HSD17B12: variants seen among roughly 807,000 people sequenced by gnomAD.
HSD17B12 encodes the protein hydroxysteroid 17-beta dehydrogenase 12, also known as very-long-chain 3-oxoacyl-CoA reductase.
In HSD17B12, 32 loss-of-function variants were observed where a neutral mutation model predicts 39.3. The observed-to-expected ratio is 0.81, with a 90% CI of 0.61 to 1.09. HSD17B12 has a LOEUF of 1.09. Ranked by LOEUF, HSD17B12 falls within the 50% of genes least tolerant of loss-of-function variation. HSD17B12 has a pLI of 0.00. For missense variants in HSD17B12, 342 were observed against 382.9 expected (o/e 0.89, Z 0.89); for synonymous variants, 150 against 146.7 (o/e 1.02, Z -0.16).
intron 1 of HSD17B12, among the ~76,000 whole-genome samples, chr11:43,728,605 G>A (rs1420788752): frequency 4.6e-5 from 7 of 151,736 alleles, no homozygotes. Flanking sequence ...TACTGTACTT[G>A]TTACTCCTCC....
chr11:43,754,183 G>A (rs1199206047), intron 3 of HSD17B12, 62 bp downstream of exon 3: 6 of 1,134,708 alleles, frequency 5.3e-6, no homozygotes, highest in African/African-American at 1.5e-5. Flanking sequence ...GCAGTTATCC[G>A]ATACTGACAT....
At chr11:43,746,034 A>G (rs527556100) in intron 1 of HSD17B12, among the ~76,000 whole-genome samples, 140 of 152,274 alleles carry the variant, frequency 9.2e-4, no homozygotes, top group African/African-American at 3.2e-3. Flanking sequence ...ACAAAAGATT[A>G]AAAATGGCAC....
At chr11:43,703,358 C>T (rs1297122448) in intron 1 of HSD17B12, among the ~76,000 whole-genome samples, 1 of 152,002 alleles carries the variant, frequency 6.6e-6, no homozygotes, top group African/African-American at 2.4e-5. Flanking sequence ...CTACGCCCGG[C>T]TAATTTTTTG....
intron 1 of HSD17B12, among the ~76,000 whole-genome samples, chr11:43,728,826 G>A (rs7110523): frequency 0.042 from 6,406 of 152,170 alleles, 171 homozygotes; most frequent in Non-Finnish European, 0.063. Context: ...TTCACTGCCA[G>A]TCACCATTCT....
At chr11:43,595,377 G>A in the HSD17B12 span, among the ~76,000 whole-genome samples, 1 of 152,364 alleles carries the variant, frequency 6.6e-6, no homozygotes, top group Admixed American at 6.5e-5. Context: ...GTTGAATTCA[G>A]ATCAGCTGGT....
chr11:43,712,442 A>G (rs146426973), intron 1 of HSD17B12, among the ~76,000 whole-genome samples: 5 of 151,980 alleles, frequency 3.3e-5, no homozygotes, highest in African/African-American at 1.2e-4. Flanking sequence ...TGAAGAAACA[A>G]CCAAAAAGCT....
At chr11:43,680,505 G>C, upstream of HSD17B12, 1 of 374,272 alleles carries the variant, frequency 2.7e-6, no homozygotes. Flanking sequence ...TCGCGAGTAC[G>C]GCTGCAGCCA....
the HSD17B12 span, among the ~76,000 whole-genome samples, chr11:43,615,400 G>GT: frequency 6.6e-6 from 1 of 152,142 alleles, no homozygotes; most frequent in African/African-American, 2.4e-5. Context: ...ACAATTTAGT[G>GT]TTCAGCTAAA....
At chr11:43,701,345 C>T (rs1949962275) in intron 1 of HSD17B12, among the ~76,000 whole-genome samples, 1 of 152,094 alleles carries the variant, frequency 6.6e-6, no homozygotes, top group Non-Finnish European at 1.5e-5. Context: ...TTGATGTGAT[C>T]CCATTTGTCC....
At chr11:43,577,024 C>T in the HSD17B12 span, among the ~76,000 whole-genome samples, 6 of 152,046 alleles carry the variant, frequency 3.9e-5, no homozygotes, top group Non-Finnish European at 8.8e-5. Flanking sequence ...CAATATAGAT[C>T]AAAATTGCAT....
At chr11:43,767,918 T>C (rs1950609930) in intron 3 of HSD17B12, among the ~76,000 whole-genome samples, 1 of 152,238 alleles carries the variant, frequency 6.6e-6, no homozygotes, top group South Asian at 2.1e-4. Context: ...CATTTAACTT[T>C]TATGGAACAC....
the HSD17B12 span, among the ~76,000 whole-genome samples, chr11:43,593,748 A>T: frequency 2.0e-5 from 3 of 152,122 alleles, no homozygotes; most frequent in African/African-American, 7.2e-5. Flanking sequence ...GTGAGCAACA[A>T]AGAAAAAAAA....
intron 3 of HSD17B12, among the ~76,000 whole-genome samples, chr11:43,767,948 T>A (rs184059543): frequency 3.9e-5 from 6 of 152,348 alleles, no homozygotes; most frequent in African/African-American, 1.4e-4. Flanking sequence ...TTCAGGCATG[T>A]TTGGAAAACA....
chr11:43,663,431 C>CA, the HSD17B12 span, among the ~76,000 whole-genome samples: 1 of 152,074 alleles, frequency 6.6e-6, no homozygotes, highest in Non-Finnish European at 1.5e-5. Flanking sequence ...ATAGTCTCAC[C>CA]ATGTTGCCCA....
intron 6 of HSD17B12, among the ~76,000 whole-genome samples, chr11:43,827,644 T>G (rs1201796107): frequency 1.3e-5 from 2 of 152,236 alleles, no homozygotes; most frequent in Non-Finnish European, 2.9e-5. Flanking sequence ...TAACTGCAGA[T>G]GGTTACATTT....
chr11:43,661,982 T>A, the HSD17B12 span, among the ~76,000 whole-genome samples: 4,011 of 152,230 alleles, frequency 0.026, 76 homozygotes, highest in South Asian at 0.12. Context: ...GACATATAAA[T>A]AAGATCTGAA....
chr11:43,588,287 A>G, the HSD17B12 span, among the ~76,000 whole-genome samples: 3 of 152,190 alleles, frequency 2.0e-5, no homozygotes, highest in Non-Finnish European at 4.4e-5. Context: ...CTAGGAGAGG[A>G]CCCTGGAAGT....
At chr11:43,703,168 T>A (rs1420930941) in intron 1 of HSD17B12, among the ~76,000 whole-genome samples, 1 of 152,242 alleles carries the variant, frequency 6.6e-6, no homozygotes, top group African/African-American at 2.4e-5. Context: ...AGGTCATTTT[T>A]AAATATTTCT....
upstream of HSD17B12, chr11:43,680,650 G>C: frequency 1.6e-6 from 1 of 635,064 alleles, no homozygotes; most frequent in South Asian, 1.8e-5. Flanking sequence ...TACGCGCAGA[G>C]GGAAAGACGG....
Sources: gnomAD v4.1 joint callset for allele counts (sites outside exome capture counted in the v4.1 genomes callset) on GRCh38, gnomAD v4.1.1 for gene constraint, MANE v1.5 for transcripts, NCBI Gene and HGNC (gene_info 2026-07-23, HGNC 2026-07-21) for gene names.